The following MSI1 variants were observed in gnomAD, a reference collection of about 807,000 sequenced individuals.
MSI1 encodes musashi RNA binding protein 1.
MSI1 carries 15 observed loss-of-function variants against 54.4 expected under a neutral mutation model. That is an observed-to-expected ratio of 0.28 (90% CI 0.18 to 0.42). The LOEUF is 0.42. Ranked by LOEUF, MSI1 falls within the 20% of genes least tolerant of loss-of-function variation. The pLI, the probability that MSI1 is intolerant of heterozygous loss-of-function variation, is 1.00. For synonymous variants in MSI1, 200 were observed against 196.5 expected, an observed-to-expected ratio of 1.02 and a Z score of -0.15; for missense variants, 304 against 506.0, an observed-to-expected ratio of 0.60 and a Z score of 3.83.
intron 4 of MSI1, among the ~76,000 whole-genome samples, chr12:120,367,246 C>T (rs1876071033): frequency 6.6e-6 from 1 of 152,126 alleles, no homozygotes; most frequent in South Asian, 2.1e-4. Context: ...TCCCTGCCCC[C>T]AGCAGACAGA....
At chr12:120,357,078 T>C (rs1489671242) in intron 8 of MSI1, 59 bp from the exon 9 acceptor site, 2 of 1,435,672 alleles carry the variant, frequency 1.4e-6, no homozygotes, top group East Asian at 4.6e-5. Context: ...AGCCCTCTTG[T>C]TCCCTGGAAA....
At position 120,368,647 on chromosome 12, in the gene MSI1, A is replaced by C. The variant is rs1592953420; in HGVS notation, c.100+186T>G. ...CTGAACCCCTCATCTGCTCCCCTCC[A>C]CCCGCTGGGCCGGGTGCGCTCGCGG... On this transcript the variant is annotated intron_variant, in intron 2 of 14. Coordinates refer to ENST00000257552, the MANE Select transcript of MSI1 (RefSeq NM_002442.4). This position sits in a 1 kb window ranked among gnomAD's most constrained non-coding sequence, Gnocchi z 6.6. 6.9e-6 allele frequency among the ~76,000 whole-genome samples: 1 copy of C among 145,276 alleles called. No individual in the cohort carries two copies. The highest frequency in any genetic ancestry group is 1.5e-5 in the Non-Finnish European group (1 of 65,768).
chr12:120,353,553 T>A (rs1874826453), intron 9 of MSI1, among the ~76,000 whole-genome samples, 174 bp from the exon 10 acceptor site: 1 of 152,160 alleles, frequency 6.6e-6, no homozygotes, highest in African/African-American at 2.4e-5. Flanking sequence ...CACACTATTA[T>A]CCCGTTAAAC....
intron 7 of MSI1, among the ~76,000 whole-genome samples, chr12:120,358,348 T>C (rs112160590): frequency 1.6e-4 from 25 of 152,352 alleles, no homozygotes; most frequent in Admixed American, 7.2e-4. Context: ...CACATGCAGT[T>C]ACCCTGACAT....
chr12:120,366,344 A>G (rs1217376944), intron 4 of MSI1, among the ~76,000 whole-genome samples: 3 of 152,078 alleles, frequency 2.0e-5, no homozygotes, highest in Non-Finnish European at 2.9e-5. Context: ...TCCAAAATCC[A>G]CACTGGGGCA....
chr12:120,356,580 A>G (rs1165562937), intron 9 of MSI1, among the ~76,000 whole-genome samples: 1 of 152,358 alleles, frequency 6.6e-6, no homozygotes, highest in African/African-American at 2.4e-5. Context: ...GAGTTGCTCA[A>G]TAACTGTGTA....
chr12:120,345,733 T>C, intron 13 of MSI1, 101 bp from the exon 14 acceptor site: 1 of 1,398,250 alleles, frequency 7.2e-7, no homozygotes, highest in Non-Finnish European at 1.0e-6. Context: ...CGCTGACCTC[T>C]CTCTACCTGT....
downstream of MSI1, among the ~76,000 whole-genome samples, chr12:120,339,671 A>T (rs751053206): frequency 2.6e-5 from 4 of 152,098 alleles, no homozygotes; most frequent in Non-Finnish European, 4.4e-5. Context: ...AAGATGATGA[A>T]ATTCCTGAGT....
chr12:120,356,170 A>C (rs1875099457), intron 9 of MSI1, among the ~76,000 whole-genome samples: 1 of 151,282 alleles, frequency 6.6e-6, no homozygotes, highest in Non-Finnish European at 1.5e-5. Flanking sequence ...GTGCCCATTT[A>C]CTCCTGTCTC....
At chr12:120,345,656 C>A in intron 13 of MSI1, 24 bp from the exon 14 acceptor site, 1 of 1,613,824 alleles carries the variant, frequency 6.2e-7, no homozygotes. Context: ...AATTTGACTC[C>A]TAGATTCCTG....
At chr12:120,359,406 T>A (rs960243951) in intron 6 of MSI1, among the ~76,000 whole-genome samples, 1 of 152,034 alleles carries the variant, frequency 6.6e-6, no homozygotes, top group Non-Finnish European at 1.5e-5. Flanking sequence ...GAGAAGATGC[T>A]AGAGAAGGAA....
intron 6 of MSI1, among the ~76,000 whole-genome samples, chr12:120,361,907 G>A (rs1001450651): frequency 1.3e-5 from 2 of 151,644 alleles, no homozygotes; most frequent in African/African-American, 4.8e-5. Flanking sequence ...TGGCAACGCC[G>A]GCCCCGGGGG....
At position 120,346,300 on chromosome 12, in the gene MSI1, A is replaced by T; in HGVS notation, c.882T>A (p.Ala294=). 1 of 1,570,456 alleles carries T rather than the reference A, an allele frequency of 6.4e-7. No homozygotes were observed. Among genetic ancestry groups the T allele is most frequent in the South Asian group, 1.2e-5 (1 of 84,910 alleles). ...GGCTGGGAGTCGAACCTGGAGGGGG[A>T]GCCATCGTCCAGGGGTGAGAGCCTG... ...RGTGSHPWTM[A]PPPGSTPSRT... Residue 294 remains alanine, a synonymous_variant, in exon 13 of 15, where the codon GCT becomes GCA. Transcript: ENST00000257552.
chr12:120,355,869 C>A (rs890446731), intron 9 of MSI1, among the ~76,000 whole-genome samples: 1 of 142,374 alleles, frequency 7.0e-6, no homozygotes, highest in African/African-American at 3.0e-5. Flanking sequence ...GCCGTGCCCC[C>A]TCCTCTGAAT....
chr12:120,352,300 T>C (rs1377398964), intron 10 of MSI1, among the ~76,000 whole-genome samples: 1 of 152,112 alleles, frequency 6.6e-6, no homozygotes, highest in African/African-American at 2.4e-5. Flanking sequence ...AGTCACCATG[T>C]CCAGGCTCGG....
At chr12:120,364,017 C>T (rs1179412808) in intron 5 of MSI1, among the ~76,000 whole-genome samples, 1 of 152,206 alleles carries the variant, frequency 6.6e-6, no homozygotes, top group African/African-American at 2.4e-5. Flanking sequence ...CTCCTTCTGT[C>T]CTCTATATTC....
At chr12:120,350,923 G>C (rs1245266122) in intron 11 of MSI1, among the ~76,000 whole-genome samples, 1 of 152,210 alleles carries the variant, frequency 6.6e-6, no homozygotes, top group Non-Finnish European at 1.5e-5. Flanking sequence ...TCTGAGCATA[G>C]TGAGTCTGTG....
intron 6 of MSI1, 138 bp downstream of exon 6, chr12:120,362,905 G>A: frequency 1.4e-6 from 1 of 733,612 alleles, no homozygotes; most frequent in Non-Finnish European, 2.3e-6. Context: ...GATTGGCCTG[G>A]TCTGCCCCCA....
intron 6 of MSI1, among the ~76,000 whole-genome samples, chr12:120,359,641 G>C (rs897314179): frequency 6.6e-6 from 1 of 152,070 alleles, no homozygotes; most frequent in Non-Finnish European, 1.5e-5. Flanking sequence ...ACTGGGAAAG[G>C]GGGAGGATCT....
Sources: gnomAD v4.1 joint callset for allele counts (sites outside exome capture counted in the v4.1 genomes callset) on GRCh38, gnomAD v4.1.1 for gene constraint, Gnocchi (gnomAD v3.1) non-coding constraint, MANE v1.5 for transcripts, NCBI Gene and HGNC (gene_info 2026-07-23, HGNC 2026-07-21) for gene names.